Variants in DLC1 observed in about 807,000 individuals in gnomAD.
DLC1 encodes rho GTPase-activating protein 7.
A neutral mutation model predicts 140.3 loss-of-function variants in DLC1; 54 were observed. The ratio of observed to expected loss-of-function variants is 0.38; its 90% CI spans 0.31 to 0.48. DLC1 has a LOEUF of 0.48. Among genes scored for constraint, DLC1 ranks in the 20% least tolerant of loss-of-function variants. DLC1 has a pLI of 0.96. For synonymous variants in DLC1, 986 were observed against 728.1 expected (o/e 1.35, Z -5.70); for missense variants, 2,536 against 1,907.0 (o/e 1.33, Z -6.14).
Position 13,287,427 on chromosome 8 carries a change from G to A in DLC1, c.1348+17842C>T, listed in dbSNP as rs376356877. ...TTTTCATTATATTTTAAAACAGTAC[G>A]GGTTAAAGAAATCAATCACCATAAA... is the stretch of plus-strand genomic sequence containing the variant. On this transcript the variant is annotated intron_variant, in intron 5 of 17. Coordinates refer to ENST00000276297, the MANE Select transcript of DLC1 (RefSeq NM_182643.3). Among the ~76,000 whole-genome samples, 7 of 151,866 alleles carry A rather than the reference G, an allele frequency of 4.6e-5. No individual in the cohort carries two copies. The East Asian group carries it at 5.8e-4, about 13-fold the overall frequency.
intron 5 of DLC1, among the ~76,000 whole-genome samples, chr8:13,144,375 T>C (rs1445599840): frequency 1.3e-5 from 2 of 152,214 alleles, no homozygotes; most frequent in East Asian, 1.9e-4. Context: ...GGACTTGAAC[T>C]GAGCCGTGCT....
At chr8:13,268,521 G>A (rs1373953033) in intron 5 of DLC1, among the ~76,000 whole-genome samples, 1 of 152,096 alleles carries the variant, frequency 6.6e-6, no homozygotes, top group South Asian at 2.1e-4. Flanking sequence ...AGTATTTGGG[G>A]CTACAGGTGC....
chr8:13,247,377 G>C (rs898284158), intron 5 of DLC1, among the ~76,000 whole-genome samples: 2 of 152,180 alleles, frequency 1.3e-5, no homozygotes, highest in African/African-American at 4.8e-5. Context: ...TCAAAGAGTG[G>C]CATGCTCTAT....
At chr8:13,132,110 C>T (rs560396464) in intron 5 of DLC1, among the ~76,000 whole-genome samples, 6 of 152,044 alleles carry the variant, frequency 3.9e-5, no homozygotes, top group African/African-American at 9.7e-5. Flanking sequence ...GAACTCGCTC[C>T]TCGGCCTCCT....
rs117839457 is a variant in DLC1 at position 13,447,858 on chromosome 8, C to T, written c.1024-46239G>A. Among the ~76,000 whole-genome samples the T allele has an allele frequency of 3.3e-3, 498 of 152,070 alleles. 11 individuals carry two copies. In the South Asian group the frequency reaches 0.062, roughly 19 times the overall value. On this transcript the variant is annotated intron_variant, in intron 2 of 17. Coordinates refer to ENST00000276297, the MANE Select transcript of DLC1 (RefSeq NM_182643.3). The stretch of plus-strand genomic sequence containing the variant: ...TGAGTTTTTGAGACTGTTTTGCAAA[C>T]TGTTCTCAAACATAAAAATACCCTG...
upstream of DLC1, among the ~76,000 whole-genome samples, chr8:13,515,263 C>A (rs1022419318): frequency 3.9e-5 from 6 of 152,166 alleles, no homozygotes; most frequent in Non-Finnish European, 8.8e-5. Flanking sequence ...CATAATTCTT[C>A]TAAATGGCAA....
rs1554530251 is a variant in DLC1, at chr8:13,489,450, A to ACACACAC, written c.1023+9598_1023+9599insGTGTGTG. Among the ~76,000 whole-genome samples, 651 of 89,484 alleles carry ACACACAC rather than the reference A, an allele frequency of 7.3e-3. 6 individuals are homozygous for ACACACAC. The highest frequency in any genetic ancestry group is 0.023 in the African/African-American group (624 of 26,798). 58.7% of individuals were successfully genotyped at this position (89,484 alleles called of 152,430 possible). The stretch of plus-strand genomic sequence containing the variant: ...ACACACACACACACACACACACACA[A>ACACACAC]AATGTTGCTACTATTAAGAATAGCT... On this transcript the variant is annotated intron_variant, in intron 2 of 17. Coordinates refer to ENST00000276297, the MANE Select transcript of DLC1 (RefSeq NM_182643.3).
Position 13,179,802 on chromosome 8 carries a change from T to C in DLC1, c.1349-64145A>G, listed in dbSNP as rs375806131. Among the ~76,000 whole-genome samples, 11 of 151,978 alleles carry C rather than the reference T, an allele frequency of 7.2e-5. No individual in the cohort carries two copies. In the East Asian group the frequency reaches 2.1e-3, roughly 29 times the overall value. On this transcript the variant is annotated intron_variant, in intron 5 of 17. Transcript: ENST00000276297. ...GAAAGACACTTAACCAATAAAGAAA[T>C]AGATATTAAACTATATATTATATAA...
At chr8:13,468,361 C>T (rs1420189243) in intron 2 of DLC1, among the ~76,000 whole-genome samples, 2 of 129,778 alleles carry the variant, frequency 1.5e-5, no homozygotes, top group Non-Finnish European at 3.3e-5. Context: ...CCCCTCCCCT[C>T]CCCTCCCCTC....
chr8:13,478,265 G>T (rs1048168341), intron 2 of DLC1, among the ~76,000 whole-genome samples: 1 of 151,904 alleles, frequency 6.6e-6, no homozygotes, highest in East Asian at 1.9e-4. Context: ...GAGAGAAGGG[G>T]GTAGGTGGAG....
At chr8:13,322,986 G>A (rs1362717162) in intron 4 of DLC1, among the ~76,000 whole-genome samples, 2 of 152,172 alleles carry the variant, frequency 1.3e-5, no homozygotes, top group Non-Finnish European at 2.9e-5. Flanking sequence ...TACTCAAGCA[G>A]CTCCCTGTGG....
chr8:13,342,551 A>T (rs1729120), intron 4 of DLC1: 131,328 of 152,158 alleles, frequency 0.86, 57,896 homozygotes, highest in East Asian at 0.98. Flanking sequence ...AGGCCTTAAG[A>T]GGAAAGACTG....
intron 1 of DLC1, among the ~76,000 whole-genome samples, chr8:13,580,866 A>C (rs1410961391): frequency 6.6e-6 from 1 of 152,178 alleles, no homozygotes; most frequent in East Asian, 1.9e-4. Flanking sequence ...TAAAAATGGC[A>C]AGAGAATGGA....
chr8:13,412,715 C>T (rs931781399), intron 2 of DLC1, among the ~76,000 whole-genome samples: 5 of 151,860 alleles, frequency 3.3e-5, no homozygotes, highest in African/African-American at 7.3e-5. Flanking sequence ...GGGCGAATCA[C>T]GAGGTCAGGA....
intron 2 of DLC1, among the ~76,000 whole-genome samples, chr8:13,467,155 A>G (rs1799976747): frequency 1.3e-5 from 2 of 152,216 alleles, no homozygotes; most frequent in African/African-American, 4.8e-5. Context: ...TTAAAAATGT[A>G]CATTTTCTAA....
At chr8:13,312,510 A>G (rs1438470591) in intron 4 of DLC1, among the ~76,000 whole-genome samples, 1 of 151,938 alleles carries the variant, frequency 6.6e-6, no homozygotes, top group Non-Finnish European at 1.5e-5. Context: ...GAAATTTACA[A>G]TTGATGACTT....
chr8:13,583,863 C>T (rs140289271), intron 1 of DLC1: 1 of 152,448 alleles, frequency 6.6e-6, no homozygotes, highest in Admixed American at 6.5e-5. Flanking sequence ...TAACCACCCA[C>T]CCGAGGAGCT....
intron 1 of DLC1, among the ~76,000 whole-genome samples, chr8:13,533,814 C>G (rs774896009): frequency 2.6e-5 from 4 of 152,162 alleles, no homozygotes; most frequent in Non-Finnish European, 4.4e-5. Flanking sequence ...TGAGCAAGTT[C>G]TCACAAGATC....
chr8:13,361,095 G>T (rs1395945601), intron 4 of DLC1, among the ~76,000 whole-genome samples: 1 of 151,948 alleles, frequency 6.6e-6, no homozygotes, highest in Non-Finnish European at 1.5e-5. Flanking sequence ...AGCTGGGTGT[G>T]TTGGCATGTG....
Sources: gnomAD v4.1 joint callset for allele counts (sites outside exome capture counted in the v4.1 genomes callset) on GRCh38, gnomAD v4.1.1 for gene constraint, MANE v1.5 for transcripts, NCBI Gene and HGNC (gene_info 2026-07-23, HGNC 2026-07-21) for gene names.